The following STYXL2 variants were observed in gnomAD, a reference collection of about 807,000 sequenced individuals.
STYXL2 encodes the protein serine/threonine/tyrosine-interacting-like protein 2.
STYXL2 carries 44 observed loss-of-function variants against 52.4 expected under a neutral mutation model. The ratio of observed to expected loss-of-function variants is 0.84; its 90% CI spans 0.66 to 1.08. The LOEUF (loss-of-function observed/expected upper bound fraction) is 1.08. Among genes scored for constraint, STYXL2 ranks in the 50% least tolerant of loss-of-function variants. The pLI is 0.00. For synonymous variants in STYXL2, 604 were observed against 586.9 expected (o/e 1.03, Z -0.42); for missense variants, 1,604 against 1,471.7 (o/e 1.09, Z -1.47).
At chr1:167,099,355 T>C (rs1234462412) in intron 2 of STYXL2, among the ~76,000 whole-genome samples, 2 of 152,186 alleles carry the variant, frequency 1.3e-5, no homozygotes, top group East Asian at 3.8e-4. Flanking sequence ...ATTAACCTAA[T>C]GAGCATTTAT....
chr1:167,111,482 AT>A (rs1667616155), intron 2 of STYXL2, among the ~76,000 whole-genome samples: 1 of 59,674 alleles, frequency 1.7e-5, no homozygotes, highest in Admixed American at 1.5e-4. Context: ...ATATATATAT[AT>A]ATATATATAT....
chr1:167,105,151 T>TTTCC (rs543945873), intron 2 of STYXL2, among the ~76,000 whole-genome samples: 178 of 151,692 alleles, frequency 1.2e-3, no homozygotes, highest in African/African-American at 4.2e-3. Flanking sequence ...TCCTTCCTTC[T>TTTCC]TTCCTTCCTT....
chr1:167,117,480 C>T lies in STYXL2; in HGVS notation c.358C>T (p.Arg120Trp), dbSNP rs757706679. The T allele has an allele frequency of 1.8e-5, 29 of 1,612,006 alleles. No individual in the cohort carries two copies. Among genetic ancestry groups the T allele is most frequent in the East Asian group, 4.5e-5 (2 of 44,816 alleles). ...TACGCCCTGTGTCCTGGACCTACAGCGGGCCCTGGTTCAGGATCGCCAAGA... is the reference window on the plus strand; with the variant it reads ...TACGCCCTGTGTCCTGGACCTACAGTGGGCCCTGGTTCAGGATCGCCAAGA... ...YNTPCVLDLQ[R>W]ALVQDRQEAP... The change falls in exon 4 of 6, where the codon CGG becomes TGG. Residue 120 changes from arginine to tryptophan, a missense_variant. Physicochemically the swap from Arg to Trp is moderately radical, Grantham distance 101 (BLOSUM62 -3). Coordinates refer to ENST00000361200, the MANE Select transcript of STYXL2 (RefSeq NM_001080426.3).
chr1:167,114,573 T>TA (rs1667686317), intron 3 of STYXL2, among the ~76,000 whole-genome samples: 1 of 152,130 alleles, frequency 6.6e-6, no homozygotes, highest in Admixed American at 6.5e-5. Context: ...AATCACATGC[T>TA]ACTCTTTGTC....
At chr1:167,120,774 G>C (rs890805688) in intron 5 of STYXL2, among the ~76,000 whole-genome samples, 1 of 141,082 alleles carries the variant, frequency 7.1e-6, no homozygotes, top group African/African-American at 2.6e-5. Context: ...GAACCACCAT[G>C]CCTGGCCAAA....
chr1:167,106,589 A>C (rs1667510416), intron 2 of STYXL2, among the ~76,000 whole-genome samples: 2 of 152,232 alleles, frequency 1.3e-5, no homozygotes, highest in Non-Finnish European at 2.9e-5. Context: ...AAAATAAAAT[A>C]ATAAAACTCC....
At position 167,126,168 on chromosome 1, in the gene STYXL2, A is replaced by G; in HGVS notation, c.1037A>G (p.Glu346Gly). The G allele has an allele frequency of 6.6e-7, 1 of 1,513,786 alleles. No homozygotes were observed. The highest frequency in any genetic ancestry group is 8.8e-7 in the Non-Finnish European group (1 of 1,133,574). 93.8% of individuals were successfully genotyped at this position (1,513,786 alleles called of 1,614,324 possible). A position where few individuals can be genotyped will look rare whatever the true frequency, so the allele number is the denominator to read the frequency against. The part of the protein sequence containing the change: ...SKPLTLIDEE[E>G]EEKLYEQWKK... The stretch of plus-strand genomic sequence containing the variant: ...CCCCTCACCCTCATAGACGAGGAGG[A>G]GGAGGAGAAACTGTACGAGCAGTGG... The change falls in exon 6 of 6, where the codon GAG (glutamate) becomes GGG (glycine). Residue 346 changes from glutamate to glycine, a missense_variant. Physicochemically the swap from Glu to Gly is moderately conservative, Grantham distance 98. Transcript: ENST00000361200.
chr1:167,111,513 T>TATATATACACACAC (rs1211215448), intron 2 of STYXL2, among the ~76,000 whole-genome samples: 1 of 50,124 alleles, frequency 2.0e-5, no homozygotes, highest in Non-Finnish European at 3.2e-5. Context: ...TATATATATA[T>TATATATACACACAC]ACACACACAC....
chr1:167,128,399 C>A lies in STYXL2; in HGVS notation c.3268C>A (p.Gln1090Lys). The A allele has an allele frequency of 6.2e-7, 1 of 1,613,998 alleles. No homozygotes were observed. ...ATTTGGAGCCAAGAGGAAGTTCACC[C>A]AGAGCTTTATGAGGTCTGAAGAAGA... The part of the protein sequence containing the change: ...SEFGAKRKFT[Q>K]SFMRSEEEGE... The change falls in exon 6 of 6, where the codon CAG becomes AAG. Residue 1090 changes from glutamine (Q) to lysine (K), a missense_variant. Gln to Lys is a moderately conservative substitution (Grantham distance 53). Transcript: ENST00000361200.
At position 167,126,382 on chromosome 1, in the gene STYXL2, G is replaced by A. The variant is rs1341748207; in HGVS notation, c.1251G>A (p.Lys417=). Residue 417 remains lysine (K), a synonymous_variant, in exon 6 of 6, where the codon AAG becomes AAA. Transcript: ENST00000361200. ...GGAGGTGGGGAAGGGAGGAGGAGAA[G>A]GAGGAGGAGAGCGACGCTGGCTCCT... is the stretch of plus-strand genomic sequence containing the variant. ...GYRRWGREEE[K]EEESDAGSSV... 3.2e-6 allele frequency: 5 copies of A among 1,552,050 alleles called. No individual in the cohort carries two copies. The highest frequency in any genetic ancestry group is 4.4e-6 in the Non-Finnish European group (5 of 1,147,784).
Position 167,128,647 on chromosome 1 carries a change from C to A in STYXL2, c.*39C>A. On this transcript the variant is annotated 3_prime_UTR_variant, in exon 6 of 6. Transcript: ENST00000361200. ...TGAGAACACTGAAAGAAACCACTCA[C>A]GTTAGCATAGGGCTCAGGGCACACG... 1 of 1,575,884 alleles carries A rather than the reference C, an allele frequency of 6.3e-7. No individual in the cohort carries two copies. The highest frequency in any genetic ancestry group is 1.2e-5 in the South Asian group (1 of 84,416).
chr1:167,127,223 T>G lies in STYXL2; in HGVS notation c.2092T>G (p.Cys698Gly), dbSNP rs1179376960. 3.7e-6 allele frequency: 6 copies of G among 1,613,808 alleles called. No homozygotes were observed. The highest frequency in any genetic ancestry group is 3.3e-5 in the Admixed American group (2 of 59,988). Residue 698 changes from cysteine (C) to glycine (G), a missense_variant, in exon 6 of 6, where the codon TGT (cysteine) becomes GGT (glycine). Transcript: ENST00000361200. ...TCAGGCTGCAAGCAACATAGCGGGG[T>G]GTTCAACCTCCAACCCCACCACACC... ...LSQAASNIAG[C>G]STSNPTTPLP...
At chr1:167,119,511 A>G (rs746916811) in intron 5 of STYXL2, 45 bp downstream of exon 5, 1 of 1,547,886 alleles carries the variant, frequency 6.5e-7, no homozygotes, top group Non-Finnish European at 8.9e-7. Context: ...TCCACGGGGG[A>G]AAAGTAATGT....
At chr1:167,115,985 A>G (rs1221036281) in intron 3 of STYXL2, among the ~76,000 whole-genome samples, 1 of 152,144 alleles carries the variant, frequency 6.6e-6, no homozygotes, top group Non-Finnish European at 1.5e-5. Flanking sequence ...AGATTCCACG[A>G]GGGGCTGGAC....
intron 5 of STYXL2, among the ~76,000 whole-genome samples, chr1:167,122,613 CT>C (rs751847575): frequency 5.3e-5 from 8 of 151,936 alleles, no homozygotes; most frequent in Non-Finnish European, 1.2e-4. Context: ...CAAATCCAGG[CT>C]TGCTCAAATC....
chr1:167,121,289 A>C (rs1403561059), intron 5 of STYXL2, among the ~76,000 whole-genome samples: 2 of 152,194 alleles, frequency 1.3e-5, no homozygotes, highest in African/African-American at 4.8e-5. Flanking sequence ...CTGGAATTAC[A>C]ATAAGCCACC....
chr1:167,109,443 T>C (rs1313190263), intron 2 of STYXL2, among the ~76,000 whole-genome samples: 1 of 152,148 alleles, frequency 6.6e-6, no homozygotes, highest in East Asian at 1.9e-4. Context: ...ACCTGTATGA[T>C]GCAGCAGAGG....
chr1:167,111,203 C>T (rs985946205), intron 2 of STYXL2, among the ~76,000 whole-genome samples: 13 of 151,638 alleles, frequency 8.6e-5, no homozygotes, highest in Admixed American at 1.3e-4. Context: ...GGATGTGGTG[C>T]GAAGGGAACA....
chr1:167,100,490 G>A (rs1571330932), intron 2 of STYXL2, among the ~76,000 whole-genome samples: 1 of 152,154 alleles, frequency 6.6e-6, no homozygotes, highest in Non-Finnish European at 1.5e-5. Flanking sequence ...TCACCGAAAG[G>A]GGAAACAGGA....
Sources: allele counts gnomAD v4.1 joint callset (sites outside exome capture counted in the v4.1 genomes callset), GRCh38; gene constraint gnomAD v4.1.1; transcripts MANE v1.5; gene names NCBI Gene and HGNC (gene_info 2026-07-23, HGNC 2026-07-21).